The following PIK3R3 variants were observed in gnomAD, a reference collection of about 807,000 sequenced individuals.
The protein encoded by PIK3R3 is phosphatidylinositol 3-kinase regulatory subunit gamma.
Under a neutral mutation model 62.9 loss-of-function variants are expected in PIK3R3, and 64 were observed. That is an observed-to-expected ratio of 1.02 (90% CI 0.83 to 1.25). The LOEUF (loss-of-function observed/expected upper bound fraction) is 1.25. Among genes scored for constraint, PIK3R3 ranks in the 50% most tolerant of loss-of-function variants. The probability of loss-of-function intolerance (pLI) is 0.00; values close to 1 mark genes in which losing one functional copy is unlikely to be tolerated. For synonymous variants in PIK3R3, 165 were observed against 189.0 expected (o/e 0.87, Z 1.04); for missense variants, 614 against 561.6 (o/e 1.09, Z -0.94).
intron 1 of PIK3R3, among the ~76,000 whole-genome samples, chr1:46,122,321 G>A (rs1654746351): frequency 2.0e-5 from 3 of 152,154 alleles, no homozygotes; most frequent in African/African-American, 4.8e-5. Context: ...AAAACTCTCC[G>A]TTTGGCCCTG....
the PIK3R3 span, among the ~76,000 whole-genome samples, chr1:46,140,589 CAG>C: frequency 2.6e-5 from 4 of 151,918 alleles, no homozygotes; most frequent in East Asian, 1.9e-4. Context: ...ATAAGAAAAA[CAG>C]AGGGAGATTG....
chr1:46,146,434 A>G, the PIK3R3 span, among the ~76,000 whole-genome samples: 17,609 of 151,956 alleles, frequency 0.12, 1,196 homozygotes, highest in Admixed American at 0.17. Context: ...TAAAAATCAT[A>G]CTTTATTTTA....
upstream of PIK3R3, chr1:46,134,381 A>C (rs540248956): frequency 6.6e-6 from 1 of 152,364 alleles, no homozygotes; most frequent in East Asian, 1.9e-4. Context: ...TAACTGGTTT[A>C]AAAGGGCCAG....
chr1:46,097,772 C>T (rs1316537118), intron 1 of PIK3R3, among the ~76,000 whole-genome samples: 1 of 151,708 alleles, frequency 6.6e-6, no homozygotes, highest in Admixed American at 6.6e-5. Context: ...GCCTGTAATC[C>T]CAGCTACTCA....
At chr1:46,082,776 C>T in intron 1 of PIK3R3, among the ~76,000 whole-genome samples, 1 of 152,126 alleles carries the variant, frequency 6.6e-6, no homozygotes, top group African/African-American at 2.4e-5. Context: ...AGAGAAGTCC[C>T]TTAGTTGGCC....
chr1:46,129,424 T>C (rs538148942), intron 1 of PIK3R3, among the ~76,000 whole-genome samples: 6 of 151,896 alleles, frequency 4.0e-5, no homozygotes, highest in African/African-American at 1.4e-4. Flanking sequence ...TTTATTTATT[T>C]ATTTATTTAT....
chr1:46,071,757 A>AGAGAGAGAGAGAGAGAGAGC (rs1230737377), intron 3 of PIK3R3, among the ~76,000 whole-genome samples: 9 of 128,260 alleles, frequency 7.0e-5, no homozygotes, highest in African/African-American at 2.7e-4. Flanking sequence ...AGAGAGAGAG[A>AGAGAGAGAGAGAGAGAGAGC]GAGCGCGCGC....
chr1:46,052,822 C>T (rs1432557404), intron 7 of PIK3R3, among the ~76,000 whole-genome samples: 3 of 152,106 alleles, frequency 2.0e-5, no homozygotes, highest in Non-Finnish European at 4.4e-5. Flanking sequence ...ACATAGAATC[C>T]TTGTGGGCTA....
chr1:46,079,033 C>G (rs1650334440), intron 2 of PIK3R3, among the ~76,000 whole-genome samples: 1 of 151,928 alleles, frequency 6.6e-6, no homozygotes, highest in Non-Finnish European at 1.5e-5. Context: ...TGAAAAAGTT[C>G]TGGAGATGGA....
intron 1 of PIK3R3, among the ~76,000 whole-genome samples, chr1:46,102,522 T>A (rs1292783207): frequency 6.6e-6 from 1 of 152,156 alleles, no homozygotes; most frequent in Non-Finnish European, 1.5e-5. Flanking sequence ...TTTCTTCTTT[T>A]TCTTGATTTA....
At chr1:46,166,539 C>A in the PIK3R3 span, among the ~76,000 whole-genome samples, 2 of 152,232 alleles carry the variant, frequency 1.3e-5, no homozygotes, top group African/African-American at 4.8e-5. Flanking sequence ...GCTTTTTACA[C>A]CACAAACTGC....
At chr1:46,125,042 T>C (rs1384455216) in intron 1 of PIK3R3, among the ~76,000 whole-genome samples, 3 of 152,104 alleles carry the variant, frequency 2.0e-5, no homozygotes, top group Non-Finnish European at 4.4e-5. Context: ...GAGATTGCAG[T>C]GAGCAGAAAT....
the PIK3R3 span, among the ~76,000 whole-genome samples, chr1:46,152,837 C>T: frequency 2.0e-5 from 3 of 152,180 alleles, no homozygotes; most frequent in Admixed American, 1.3e-4. Flanking sequence ...GCTGGGATTA[C>T]AGGCATGAGC....
chr1:46,123,690 C>T (rs140144246), intron 1 of PIK3R3, among the ~76,000 whole-genome samples: 5 of 152,296 alleles, frequency 3.3e-5, no homozygotes, highest in African/African-American at 7.2e-5. Flanking sequence ...GATGGACCTG[C>T]TCTGCTACTT....
chr1:46,123,935 G>T (rs1654877797), intron 1 of PIK3R3, among the ~76,000 whole-genome samples: 1 of 152,178 alleles, frequency 6.6e-6, no homozygotes, highest in Non-Finnish European at 1.5e-5. Context: ...AAAAGGAAAA[G>T]ATGACTTGGG....
At chr1:46,096,847 A>AT (rs1652180637) in intron 1 of PIK3R3, among the ~76,000 whole-genome samples, 1 of 151,878 alleles carries the variant, frequency 6.6e-6, no homozygotes, top group East Asian at 1.9e-4. Flanking sequence ...TCTTAAAAAA[A>AT]AAAAAAAAGA....
chr1:46,072,092 A>T (rs1649591866), intron 3 of PIK3R3, among the ~76,000 whole-genome samples: 1 of 152,156 alleles, frequency 6.6e-6, no homozygotes, highest in Non-Finnish European at 1.5e-5. Context: ...CTCTTCTGTG[A>T]AGGTCAGTTT....
chr1:46,166,878 A>G, the PIK3R3 span, among the ~76,000 whole-genome samples: 3 of 152,016 alleles, frequency 2.0e-5, no homozygotes, highest in Non-Finnish European at 4.4e-5. Context: ...AAACCTTCAA[A>G]TTTTCTTTAC....
intron 3 of PIK3R3, among the ~76,000 whole-genome samples, chr1:46,068,516 G>A (rs756470027): frequency 3.9e-5 from 6 of 152,078 alleles, no homozygotes; most frequent in Non-Finnish European, 5.9e-5. Context: ...AAGTCTGTTG[G>A]GAAAAAAAAT....
Sources: allele counts gnomAD v4.1 joint callset (sites outside exome capture counted in the v4.1 genomes callset), GRCh38; gene constraint gnomAD v4.1.1; transcripts MANE v1.5; gene names NCBI Gene and HGNC (gene_info 2026-07-23, HGNC 2026-07-21).